Variants in PSMD11 observed in about 807,000 individuals in gnomAD.
The protein encoded by PSMD11 is 26S proteasome non-ATPase regulatory subunit 11.
A neutral mutation model predicts 62.3 loss-of-function variants in PSMD11; 5 were observed. The observed-to-expected ratio is 0.08, with a 90% CI of 0.04 to 0.17. The LOEUF (loss-of-function observed/expected upper bound fraction) is 0.17. Ranked by LOEUF, PSMD11 falls within the 10% of genes least tolerant of loss-of-function variation. PSMD11 has a pLI of 1.00. For missense variants in PSMD11, 310 were observed against 512.9 expected, an observed-to-expected ratio of 0.60 and a Z score of 3.82; for synonymous variants, 191 against 191.8, an observed-to-expected ratio of 1.00 and a Z score of 0.03.
chr17:32,473,897 C>T lies in PSMD11; in HGVS notation c.740C>T (p.Ala247Val). The T allele has an allele frequency of 6.2e-7, 1 of 1,614,176 alleles. No individual in the cohort carries two copies. The highest frequency in any genetic ancestry group is 8.5e-7 in the Non-Finnish European group (1 of 1,180,040). ...TATGACTCCATCGACAGCCCCAAGG[C>T]CATCACATCTCTGAAGTACATGTTG... is the stretch of plus-strand genomic sequence containing the variant. ...EGYDSIDSPK[A>V]ITSLKYMLLC... is the part of the protein sequence containing the mutation. The change falls in exon 7 of 14, where the codon GCC becomes GTC. Residue 247 changes from alanine to valine, a missense_variant. Around this residue, in one of 6 missense-constraint regions of PSMD11, gnomAD observed 47 missense variants for 117.7 expected, o/e 0.40. Coordinates refer to ENST00000261712, the MANE Select transcript of PSMD11 (RefSeq NM_002815.4).
At chr17:32,456,397 A>C (rs1341381166) in intron 3 of PSMD11, among the ~76,000 whole-genome samples, 2 of 151,392 alleles carry the variant, frequency 1.3e-5, no homozygotes, top group Non-Finnish European at 2.9e-5. Flanking sequence ...TTGGTGACAG[A>C]GTTTCACTCT....
chr17:32,475,342 T>G (rs1347203970), intron 8 of PSMD11, among the ~76,000 whole-genome samples: 5 of 152,194 alleles, frequency 3.3e-5, no homozygotes, highest in South Asian at 4.1e-4. Flanking sequence ...TTTTTTTTTT[T>G]TTGTTACCTT....
intron 2 of PSMD11, 62 bp from the exon 3 acceptor site, chr17:32,454,433 A>C: frequency 6.3e-7 from 1 of 1,575,752 alleles, no homozygotes. Flanking sequence ...TCAGTTTCTT[A>C]AGTGGGTATT....
intron 2 of PSMD11, among the ~76,000 whole-genome samples, chr17:32,453,364 A>G (rs1270076416): frequency 6.6e-6 from 1 of 152,204 alleles, no homozygotes; most frequent in African/African-American, 2.4e-5. Flanking sequence ...GTGCCTCTTG[A>G]AAGCAGGAGT....
At chr17:32,453,460 G>T (rs1157169013) in intron 2 of PSMD11, among the ~76,000 whole-genome samples, 1 of 152,168 alleles carries the variant, frequency 6.6e-6, no homozygotes, top group African/African-American at 2.4e-5. Context: ...CATTACTGGG[G>T]AGTGAAGGGA....
intron 8 of PSMD11, 26 bp from the exon 9 acceptor site, chr17:32,477,495 T>G (rs1197960587): frequency 6.3e-7 from 1 of 1,585,602 alleles, no homozygotes; most frequent in East Asian, 2.2e-5. Context: ...ATAAATCGCT[T>G]TCATGGTTTG....
chr17:32,479,582 G>T, intron 10 of PSMD11: 1 of 764,950 alleles, frequency 1.3e-6, no homozygotes, highest in Non-Finnish European at 2.1e-6. Context: ...GCCCCTGCAT[G>T]TGTTCTGAGC....
At chr17:32,477,494 T>G in intron 8 of PSMD11, 27 bp from the exon 9 acceptor site, 1 of 1,583,432 alleles carries the variant, frequency 6.3e-7, no homozygotes, top group Non-Finnish European at 8.6e-7. Context: ...AATAAATCGC[T>G]TTCATGGTTT....
intron 3 of PSMD11, among the ~76,000 whole-genome samples, chr17:32,457,138 ATAAAG>A (rs775533649): frequency 1.3e-5 from 2 of 152,246 alleles, no homozygotes; most frequent in African/African-American, 4.8e-5. Context: ...TTACATTTAT[ATAAAG>A]TAAAGACCTT....
intron 3 of PSMD11, among the ~76,000 whole-genome samples, chr17:32,457,187 T>G (rs983671733): frequency 2.6e-5 from 4 of 152,234 alleles, no homozygotes; most frequent in Non-Finnish European, 2.9e-5. Flanking sequence ...GAAACACTTT[T>G]AGGCATTGTA....
At chr17:32,472,352 A>G (rs952384714) in intron 6 of PSMD11, among the ~76,000 whole-genome samples, 7 of 151,426 alleles carry the variant, frequency 4.6e-5, no homozygotes, top group Non-Finnish European at 7.4e-5. Flanking sequence ...CCACCTGAGT[A>G]GCTGGGATTA....
Position 32,462,720 on chromosome 17 carries a change from C to G in PSMD11, c.319-1329C>G, listed in dbSNP as rs149328752. ...CTTTTTTTTGAGACGGAGTTTCACT[C>G]TTGTTGCCCAGGCTGGAGTGCAATG... On this transcript the variant is annotated intron_variant, in intron 3 of 13. Transcript: ENST00000261712. 1.8e-3 allele frequency among the ~76,000 whole-genome samples: 281 copies of G among 152,244 alleles called. 2 individuals are homozygous for G. Among genetic ancestry groups the G allele is most frequent in the African/African-American group, 6.5e-3 (269 of 41,544 alleles).
At position 32,454,639 on chromosome 17, in the gene PSMD11, G is replaced by C; in HGVS notation, c.318+20G>C. The C allele has an allele frequency of 6.2e-7, 1 of 1,609,248 alleles. No homozygotes were observed. Among genetic ancestry groups the C allele is most frequent in the Non-Finnish European group, 8.5e-7 (1 of 1,178,102 alleles). On this transcript the variant is annotated intron_variant, in intron 3 of 13. Transcript: ENST00000261712. The stretch of plus-strand genomic sequence containing the variant: ...CAGGAGGTAAGTGATATTAATGACA[G>C]AAAGTAGACAATATGGAGAAAAGTT...
At chr17:32,463,639 G>A (rs1263124183) in intron 3 of PSMD11, among the ~76,000 whole-genome samples, 1 of 152,172 alleles carries the variant, frequency 6.6e-6, no homozygotes, top group African/African-American at 2.4e-5. Flanking sequence ...TTAGTGCTTA[G>A]GATGAGAATT....
intron 1 of PSMD11, 27 bp downstream of exon 1, chr17:32,444,641 G>A: frequency 6.2e-7 from 1 of 1,609,404 alleles, no homozygotes; most frequent in Non-Finnish European, 8.5e-7. Flanking sequence ...CGCCTCCCCG[G>A]CCCCGCCGGC....
chr17:32,460,933 G>T (rs1008629030), intron 3 of PSMD11, among the ~76,000 whole-genome samples: 1 of 151,994 alleles, frequency 6.6e-6, no homozygotes, highest in Non-Finnish European at 1.5e-5. Context: ...AAGGGCTGGG[G>T]AGTGGAAAAG....
intron 5 of PSMD11, among the ~76,000 whole-genome samples, chr17:32,468,614 A>G (rs1015792518): frequency 6.6e-6 from 1 of 152,246 alleles, no homozygotes; most frequent in African/African-American, 2.4e-5. Flanking sequence ...TCCTTCATCA[A>G]CCTAGTGCCC....
At chr17:32,462,167 G>T (rs1054821118) in intron 3 of PSMD11, among the ~76,000 whole-genome samples, 1 of 152,106 alleles carries the variant, frequency 6.6e-6, no homozygotes, top group African/African-American at 2.4e-5. Flanking sequence ...GTGGTAAATG[G>T]TTTATTGAAA....
intron 2 of PSMD11, among the ~76,000 whole-genome samples, chr17:32,452,148 G>A (rs910430685): frequency 1.3e-5 from 2 of 152,194 alleles, no homozygotes; most frequent in Non-Finnish European, 2.9e-5. Context: ...TCCACATTGT[G>A]TGTGACTGGC....
Sources: gnomAD v4.1 joint callset for allele counts (sites outside exome capture counted in the v4.1 genomes callset) on GRCh38, gnomAD v4.1.1 for gene constraint, gnomAD v4.1.1 regional missense constraint, MANE v1.5 for transcripts, NCBI Gene and HGNC (gene_info 2026-07-23, HGNC 2026-07-21) for gene names.